Variants in ZNF420 observed in about 807,000 individuals in gnomAD.
ZNF420 encodes ATM and p53-associated KZNF protein.
In ZNF420, 31 loss-of-function variants were observed where a neutral mutation model predicts 44.7. The observed-to-expected ratio is 0.69, with a 90% CI of 0.52 to 0.94. The LOEUF (loss-of-function observed/expected upper bound fraction) is 0.94. Ranked by LOEUF, ZNF420 falls within the 40% of genes least tolerant of loss-of-function variation. The pLI is 0.00. For synonymous variants in ZNF420, 245 were observed against 267.4 expected (o/e 0.92, Z 0.82); for missense variants, 681 against 827.9 (o/e 0.82, Z 2.18).
intron 1 of ZNF420, among the ~76,000 whole-genome samples, chr19:37,059,060 C>A (rs557822512): frequency 1.3e-5 from 2 of 152,330 alleles, no homozygotes; most frequent in Admixed American, 1.3e-4. Context: ...CTGAGCCCAT[C>A]CCTGCTCACC....
chr19:37,085,790 T>C (rs1210685994), intron 2 of ZNF420, among the ~76,000 whole-genome samples: 3 of 151,648 alleles, frequency 2.0e-5, no homozygotes, highest in Non-Finnish European at 4.4e-5. Context: ...GGAGACAGGA[T>C]ATTGCTCTGT....
At chr19:37,096,484 C>T (rs1828103882) in intron 4 of ZNF420, among the ~76,000 whole-genome samples, 1 of 152,162 alleles carries the variant, frequency 6.6e-6, no homozygotes, top group South Asian at 2.1e-4. Flanking sequence ...GTTTTTCTTT[C>T]TCTGAACTTT....
intron 4 of ZNF420, among the ~76,000 whole-genome samples, chr19:37,101,456 C>T (rs1227635050): frequency 6.6e-6 from 1 of 152,210 alleles, no homozygotes; most frequent in Non-Finnish European, 1.5e-5. Context: ...GATCATGCCA[C>T]TGCACTCCAG....
chr19:37,117,854 A>T (rs1488043121), intron 4 of ZNF420, among the ~76,000 whole-genome samples: 1 of 152,260 alleles, frequency 6.6e-6, no homozygotes, highest in Non-Finnish European at 1.5e-5. Flanking sequence ...GACACGATCA[A>T]CTGGAAGAAA....
At chr19:37,011,909 A>G (rs1426717799) in intron 1 of ZNF420, among the ~76,000 whole-genome samples, 1 of 152,112 alleles carries the variant, frequency 6.6e-6, no homozygotes, top group Non-Finnish European at 1.5e-5. Flanking sequence ...TTGGAAGCGG[A>G]ACAGGCCACT....
chr19:37,012,184 C>G (rs1302678701), intron 1 of ZNF420, among the ~76,000 whole-genome samples: 1 of 152,162 alleles, frequency 6.6e-6, no homozygotes, highest in African/African-American at 2.4e-5. Context: ...GTGGTCCAGC[C>G]CTGGGGCGCC....
intron 3 of ZNF420, among the ~76,000 whole-genome samples, chr19:37,089,851 C>T (rs1643226434): frequency 6.6e-6 from 1 of 152,022 alleles, no homozygotes; most frequent in African/African-American, 2.4e-5. Flanking sequence ...AATATGAGCA[C>T]TTATTAAGTC....
chr19:37,123,599 CTTT>C (rs762782458), intron 4 of ZNF420, among the ~76,000 whole-genome samples: 9 of 80,326 alleles, frequency 1.1e-4, no homozygotes, highest in East Asian at 9.2e-4. Flanking sequence ...TTACTCTTGT[CTTT>C]TTTTTTTTTT....
intron 4 of ZNF420, among the ~76,000 whole-genome samples, chr19:37,098,477 A>G (rs1390571127): frequency 6.6e-6 from 1 of 152,064 alleles, no homozygotes; most frequent in African/African-American, 2.4e-5. Context: ...GTTATTTTTC[A>G]TGTTTTTCAT....
intron 1 of ZNF420, among the ~76,000 whole-genome samples, chr19:37,030,052 A>G (rs1310961462): frequency 6.6e-6 from 1 of 152,210 alleles, no homozygotes; most frequent in Non-Finnish European, 1.5e-5. Flanking sequence ...AAAGATGTAT[A>G]GGATTGTTCA....
At chr19:37,080,512 T>C (rs1968378195) in intron 2 of ZNF420, 124 bp downstream of exon 2, 1 of 152,586 alleles carries the variant, frequency 6.6e-6, no homozygotes, top group African/African-American at 2.4e-5. Context: ...TTTGGTAGAT[T>C]GAGAGCAAAG....
intron 4 of ZNF420, among the ~76,000 whole-genome samples, chr19:37,122,922 A>G (rs529633631): frequency 1.3e-5 from 2 of 152,340 alleles, no homozygotes; most frequent in African/African-American, 2.4e-5. Context: ...ATTTGTGTCT[A>G]TTGAACATCT....
At chr19:37,085,488 C>T (rs944711459) in intron 2 of ZNF420, among the ~76,000 whole-genome samples, 8 of 152,272 alleles carry the variant, frequency 5.3e-5, no homozygotes, top group South Asian at 4.1e-4. Context: ...GTGGCCTCCC[C>T]GCAGCAGACT....
intron 1 of ZNF420, among the ~76,000 whole-genome samples, chr19:37,059,457 G>A (rs1967828019): frequency 6.6e-6 from 1 of 152,254 alleles, no homozygotes; most frequent in Non-Finnish European, 1.5e-5. Context: ...CCGTGGCAGT[G>A]CTTGGCTGTC....
chr19:37,073,751 GA>G (rs71177422), upstream of ZNF420, among the ~76,000 whole-genome samples: 1,413 of 100,702 alleles, frequency 0.014, 18 homozygotes, highest in African/African-American at 0.041. Context: ...CCTGAAAAAA[GA>G]AAAAAAAAAA....
chr19:37,008,884 A>C (rs1469133723), intron 1 of ZNF420, among the ~76,000 whole-genome samples: 1 of 152,076 alleles, frequency 6.6e-6, no homozygotes, highest in Admixed American at 6.6e-5. Flanking sequence ...TCAGGGAGAA[A>C]CTTCAAGGAG....
chr19:37,051,443 T>C (rs1014564702), intron 1 of ZNF420, among the ~76,000 whole-genome samples: 3 of 152,196 alleles, frequency 2.0e-5, no homozygotes, highest in Admixed American at 2.0e-4. Flanking sequence ...CCTGGTTTAG[T>C]CTTGGGAGGG....
At chr19:37,032,534 C>G (rs7258438) in intron 1 of ZNF420, among the ~76,000 whole-genome samples, 78,136 of 149,832 alleles carry the variant, frequency 0.52, 21,085 homozygotes, top group African/African-American at 0.62. Flanking sequence ...GGCTGGGTGC[C>G]GTGGCTAACG....
chr19:37,104,132 TCCCCCTC>T (rs975767466), intron 4 of ZNF420, among the ~76,000 whole-genome samples: 1 of 144,176 alleles, frequency 6.9e-6, no homozygotes, highest in African/African-American at 2.5e-5. Flanking sequence ...CCTCCCCCCT[TCCCCCTC>T]CCCCGACCCC....
Sources: allele counts gnomAD v4.1 joint callset (sites outside exome capture counted in the v4.1 genomes callset), GRCh38; gene constraint gnomAD v4.1.1; transcripts MANE v1.5; gene names NCBI Gene and HGNC (gene_info 2026-07-23, HGNC 2026-07-21).